TPRG1: variants seen among roughly 807,000 people sequenced by gnomAD.
The protein encoded by TPRG1 is tumor protein p63 regulated 1, also known as tumor protein p63-regulated gene 1 protein.
A neutral mutation model predicts 29.3 loss-of-function variants in TPRG1; 29 were observed. The observed-to-expected ratio is 0.99, with a 90% confidence interval of 0.74 to 1.35. The LOEUF (loss-of-function observed/expected upper bound fraction) is 1.35. Among genes scored for constraint, TPRG1 ranks in the 40% most tolerant of loss-of-function variants. TPRG1 has a pLI of 0.00. For missense variants in TPRG1, 327 were observed against 335.0 expected (o/e 0.98, Z 0.19); for synonymous variants, 130 against 116.8 (o/e 1.11, Z -0.73).
intron 3 of TPRG1, among the ~76,000 whole-genome samples, chr3:189,006,984 G>A (rs1712324210): frequency 6.6e-6 from 1 of 152,076 alleles, no homozygotes; most frequent in African/African-American, 2.4e-5. Flanking sequence ...ACATAGGCAT[G>A]GGCAAGGACT....
chr3:189,232,976 G>A (rs562420705), intron 3 of TPRG1, among the ~76,000 whole-genome samples: 7 of 152,178 alleles, frequency 4.6e-5, no homozygotes, highest in Non-Finnish European at 7.3e-5. Flanking sequence ...CTGAAACCCA[G>A]TGGGTGATCA....
intron 3 of TPRG1, among the ~76,000 whole-genome samples, chr3:189,225,854 T>C (rs1485968849): frequency 1.3e-5 from 2 of 152,174 alleles, no homozygotes; most frequent in Non-Finnish European, 2.9e-5. Flanking sequence ...TGCTTTGCCA[T>C]GTGAATTAAT....
At chr3:189,270,455 C>A (rs951202003) in intron 4 of TPRG1, among the ~76,000 whole-genome samples, 2 of 152,212 alleles carry the variant, frequency 1.3e-5, no homozygotes, top group African/African-American at 4.8e-5. Flanking sequence ...GACTGTGGAA[C>A]CTCAGAATGG....
intron 5 of TPRG1, among the ~76,000 whole-genome samples, chr3:189,156,398 C>T (rs559046548): frequency 5.9e-5 from 9 of 152,056 alleles, no homozygotes; most frequent in East Asian, 3.9e-4. Flanking sequence ...CCTGTGTTTG[C>T]AGTGATTTGT....
chr3:189,008,440 G>T (rs898746466), intron 3 of TPRG1, among the ~76,000 whole-genome samples: 2 of 152,148 alleles, frequency 1.3e-5, no homozygotes, highest in Non-Finnish European at 2.9e-5. Context: ...AGCTTTACAG[G>T]TGATTCCAAT....
intron 3 of TPRG1, among the ~76,000 whole-genome samples, chr3:189,012,689 T>C (rs1266286446): frequency 6.6e-6 from 1 of 152,222 alleles, no homozygotes; most frequent in Admixed American, 6.5e-5. Context: ...ATTGGTCTAT[T>C]CATGGATTCA....
intron 5 of TPRG1, among the ~76,000 whole-genome samples, chr3:189,159,667 T>A (rs900127803): frequency 6.6e-6 from 1 of 152,094 alleles, no homozygotes; most frequent in African/African-American, 2.4e-5. Context: ...CTGATTTCAG[T>A]GGCTGGTGTG....
intron 3 of TPRG1, among the ~76,000 whole-genome samples, chr3:189,139,667 A>ATT (rs35742411): frequency 1.2e-4 from 16 of 134,002 alleles, no homozygotes; most frequent in African/African-American, 2.7e-4. Flanking sequence ...CAGCTGAAGG[A>ATT]TTTTTTTTTT....
chr3:189,251,179 C>A (rs567258370), intron 4 of TPRG1, among the ~76,000 whole-genome samples: 1 of 151,530 alleles, frequency 6.6e-6, no homozygotes, highest in Non-Finnish European at 1.5e-5. Context: ...ACTGTAACTT[C>A]TGCTTAAGAG....
At chr3:189,261,436 C>T (rs1034957308) in intron 4 of TPRG1, among the ~76,000 whole-genome samples, 3 of 151,816 alleles carry the variant, frequency 2.0e-5, no homozygotes, top group Non-Finnish European at 4.4e-5. Flanking sequence ...AAGAAAAAAG[C>T]CATTGACTTA....
intron 4 of TPRG1, among the ~76,000 whole-genome samples, chr3:189,252,013 G>A (rs1742348978): frequency 6.6e-6 from 1 of 152,120 alleles, no homozygotes; most frequent in Non-Finnish European, 1.5e-5. Flanking sequence ...ACAATACCTG[G>A]CTTTCCTAGG....
At chr3:189,026,745 G>A (rs1050177628) in intron 4 of TPRG1, among the ~76,000 whole-genome samples, 9 of 152,182 alleles carry the variant, frequency 5.9e-5, no homozygotes, top group African/African-American at 2.2e-4. Flanking sequence ...ACAGCTAAGA[G>A]ACACTAATGA....
intron 3 of TPRG1, among the ~76,000 whole-genome samples, chr3:189,216,862 C>T (rs1453403717): frequency 1.3e-5 from 2 of 152,144 alleles, no homozygotes. Flanking sequence ...GAATATTCTG[C>T]CTTGATTAGA....
At chr3:189,219,349 C>T (rs1736577480) in intron 3 of TPRG1, among the ~76,000 whole-genome samples, 1 of 152,072 alleles carries the variant, frequency 6.6e-6, no homozygotes, top group Non-Finnish European at 1.5e-5. Context: ...CCCTAAACCT[C>T]AGCTAGATCC....
chr3:189,200,580 C>A, intron 1 of TPRG1, among the ~76,000 whole-genome samples: 1 of 152,200 alleles, frequency 6.6e-6, no homozygotes, highest in African/African-American at 2.4e-5. Flanking sequence ...TCCTGATCTT[C>A]CTTCCTATTC....
intron 5 of TPRG1, among the ~76,000 whole-genome samples, chr3:189,165,567 T>A (rs1728066041): frequency 6.6e-6 from 1 of 151,826 alleles, no homozygotes. Context: ...CAGGCAGGTG[T>A]CCAGGGACCT....
intron 5 of TPRG1, among the ~76,000 whole-genome samples, chr3:189,312,094 T>TC (rs1491406650): frequency 3.0e-5 from 2 of 66,704 alleles, no homozygotes; most frequent in Admixed American, 1.3e-4. Context: ...TCTTTCTTTC[T>TC]TTGTTTCTTT....
At chr3:189,171,576 C>G (rs1728816049), upstream of TPRG1, among the ~76,000 whole-genome samples, 1 of 152,230 alleles carries the variant, frequency 6.6e-6, no homozygotes, top group African/African-American at 2.4e-5. Context: ...CAGAGATACA[C>G]TGCTCTACAT....
chr3:189,138,347 C>A (rs765544681), intron 3 of TPRG1, among the ~76,000 whole-genome samples: 1 of 152,182 alleles, frequency 6.6e-6, no homozygotes, highest in Non-Finnish European at 1.5e-5. Context: ...GAGATAAAGT[C>A]AATGATTGCT....
Sources: gnomAD v4.1 joint callset for allele counts (sites outside exome capture counted in the v4.1 genomes callset) on GRCh38, gnomAD v4.1.1 for gene constraint, MANE v1.5 for transcripts, NCBI Gene and HGNC (gene_info 2026-07-23, HGNC 2026-07-21) for gene names.